PLXNA4: variants seen among roughly 807,000 people sequenced by gnomAD.
The protein encoded by PLXNA4 is plexin-A4.
PLXNA4 carries 44 observed loss-of-function variants against 191.8 expected under a neutral mutation model. The ratio of observed to expected loss-of-function variants is 0.23; its 90% CI spans 0.18 to 0.29. The LOEUF is 0.29. PLXNA4 is among the 10% of genes least tolerant of loss of function. The probability of loss-of-function intolerance (pLI) is 1.00; values close to 1 mark genes in which losing one functional copy is unlikely to be tolerated. For synonymous variants in PLXNA4, 1,082 were observed against 1,009.5 expected, an observed-to-expected ratio of 1.07 and a Z score of -1.36; for missense variants, 1,800 against 2,488.8, an observed-to-expected ratio of 0.72 and a Z score of 5.89.
intron 3 of PLXNA4, among the ~76,000 whole-genome samples, chr7:132,479,162 C>T (rs75414997): frequency 1.4e-3 from 213 of 151,946 alleles, no homozygotes; most frequent in African/African-American, 4.8e-3. Context: ...CCAGGTACTT[C>T]GGCGACTGAG....
chr7:132,452,699 C>T (rs1029689374), intron 3 of PLXNA4, among the ~76,000 whole-genome samples: 14 of 152,150 alleles, frequency 9.2e-5, no homozygotes, highest in African/African-American at 3.4e-4. Context: ...AACTCTCTTC[C>T]AACCCAAGCT....
intron 1 of PLXNA4, among the ~76,000 whole-genome samples, chr7:132,532,063 C>T (rs1799638270): frequency 6.6e-6 from 1 of 152,220 alleles, no homozygotes; most frequent in South Asian, 2.1e-4. Flanking sequence ...ATAAAGCCAT[C>T]ACCCCAGTGT....
chr7:132,597,886 A>G (rs1300669976), intron 2 of PLXNA4, among the ~76,000 whole-genome samples: 2 of 149,572 alleles, frequency 1.3e-5, no homozygotes, highest in Non-Finnish European at 3.0e-5. Flanking sequence ...TCCAATCTGT[A>G]ATTTTTAACT....
At chr7:132,634,241 C>G (rs1205853223) in intron 2 of PLXNA4, among the ~76,000 whole-genome samples, 1 of 152,148 alleles carries the variant, frequency 6.6e-6, no homozygotes, top group African/African-American at 2.4e-5. Context: ...GTAGAGGATA[C>G]TAAGTGAAAA....
At chr7:132,514,736 G>T (rs1585255804) in intron 1 of PLXNA4, among the ~76,000 whole-genome samples, 1 of 152,056 alleles carries the variant, frequency 6.6e-6, no homozygotes, top group East Asian at 1.9e-4. Flanking sequence ...CTACCCTACA[G>T]GTTTTGAACT....
At chr7:132,373,242 G>GT (rs1173509796) in intron 3 of PLXNA4, among the ~76,000 whole-genome samples, 1 of 152,136 alleles carries the variant, frequency 6.6e-6, no homozygotes, top group Admixed American at 6.5e-5. Context: ...TCATTGCTAA[G>GT]TTCACCTTTA....
chr7:132,238,367 G>A (rs1254770245), intron 5 of PLXNA4, among the ~76,000 whole-genome samples: 1 of 152,088 alleles, frequency 6.6e-6, no homozygotes, highest in Non-Finnish European at 1.5e-5. Flanking sequence ...CGACTTTATG[G>A]AACATATCTA....
At chr7:132,350,729 C>T (rs1212250820) in intron 3 of PLXNA4, among the ~76,000 whole-genome samples, 2 of 152,102 alleles carry the variant, frequency 1.3e-5, no homozygotes, top group East Asian at 1.9e-4. Context: ...AACAGCCTGG[C>T]ACCTTCTCAA....
chr7:132,290,747 A>T (rs1287815939), intron 4 of PLXNA4, among the ~76,000 whole-genome samples: 3 of 152,134 alleles, frequency 2.0e-5, no homozygotes, highest in African/African-American at 7.2e-5. Context: ...CACGGCTCTG[A>T]AAGAGACAGT....
At chr7:132,348,605 C>A (rs932095073) in intron 3 of PLXNA4, among the ~76,000 whole-genome samples, 1 of 152,154 alleles carries the variant, frequency 6.6e-6, no homozygotes, top group African/African-American at 2.4e-5. Context: ...CTGGCTGCCC[C>A]ACATCCCTCC....
chr7:132,639,146 G>A (rs1388453602), intron 2 of PLXNA4, among the ~76,000 whole-genome samples: 1 of 152,160 alleles, frequency 6.6e-6, no homozygotes. Flanking sequence ...CCAGGCCAGT[G>A]GGCCCAGAAT....
intron 2 of PLXNA4, among the ~76,000 whole-genome samples, chr7:132,641,006 C>T (rs185785436): frequency 8.1e-4 from 123 of 152,306 alleles, no homozygotes; most frequent in African/African-American, 1.9e-3. Context: ...AATGGCACCA[C>T]GGATGGATGA....
chr7:132,318,758 G>C lies in PLXNA4; in HGVS notation c.1372-20536C>G, dbSNP rs112512002. ...CGAACCCATCTGTAGTTGTTACACA[G>C]GCAAAATCACAGATGCTGCTGTGGT... is the stretch of plus-strand genomic sequence containing the variant. On this transcript the variant is annotated intron_variant, in intron 3 of 31. Coordinates refer to ENST00000321063, the MANE Select transcript of PLXNA4 (RefSeq NM_020911.2). Among the ~76,000 whole-genome samples the C allele has an allele frequency of 1.1e-3, 164 of 150,544 alleles. 1 individual carries two copies. The highest frequency in any genetic ancestry group is 3.9e-3 in the African/African-American group (161 of 40,872).
chr7:132,577,495 G>T (rs1229726190), upstream of PLXNA4, among the ~76,000 whole-genome samples: 20 of 151,226 alleles, frequency 1.3e-4, no homozygotes, highest in Admixed American at 1.3e-3. Context: ...CGGAGCTCGC[G>T]GCTGACATCT....
chr7:132,202,842 G>GAGGGGA lies in PLXNA4; in HGVS notation c.2396-12_2396-7dup. 6.4e-7 allele frequency: 1 copy of GAGGGGA among 1,558,936 alleles called. No individual in the cohort carries two copies. On this transcript the variant is annotated splice_polypyrimidine_tract_variant and splice_region_variant and intron_variant, in intron 11 of 31. Coordinates refer to ENST00000321063, the MANE Select transcript of PLXNA4 (RefSeq NM_020911.2). ...TCCACACTTGTAGAGGTGAACTGCA[G>GAGGGGA]AGGGGAAGGGCAAGGACAAGGGGTG...
At chr7:132,534,789 G>A (rs1029639793) in intron 1 of PLXNA4, among the ~76,000 whole-genome samples, 2 of 152,244 alleles carry the variant, frequency 1.3e-5, no homozygotes, top group Non-Finnish European at 2.9e-5. Flanking sequence ...CGCCATTACT[G>A]GGCGTGTTGA....
At chr7:132,585,810 C>T (rs1382316397) in intron 2 of PLXNA4, among the ~76,000 whole-genome samples, 1 of 152,170 alleles carries the variant, frequency 6.6e-6, no homozygotes, top group South Asian at 2.1e-4. Flanking sequence ...CTCGATCCAT[C>T]ATGGGTGGGG....
At chr7:132,259,460 AAAAAAAAAAAAAAGAAAAAAGG>A (rs1799551139) in intron 4 of PLXNA4, among the ~76,000 whole-genome samples, 1 of 138,718 alleles carries the variant, frequency 7.2e-6, no homozygotes, top group African/African-American at 2.8e-5. Context: ...AAAAAAAAAA[AAAAAAAAAAAAAAGAAAAAAGG>A]AAAAAAGAAA....
chr7:132,148,313 G>T (rs1795495106), intron 26 of PLXNA4, among the ~76,000 whole-genome samples: 4 of 152,190 alleles, frequency 2.6e-5, no homozygotes, highest in Admixed American at 2.6e-4. Context: ...AGCCTTCCCT[G>T]GGGACTCTGC....
Sources: gnomAD v4.1 joint callset for allele counts (sites outside exome capture counted in the v4.1 genomes callset) on GRCh38, gnomAD v4.1.1 for gene constraint, MANE v1.5 for transcripts, NCBI Gene and HGNC (gene_info 2026-07-23, HGNC 2026-07-21) for gene names.